The following CELF2 variants were observed in gnomAD, a reference collection of about 807,000 sequenced individuals.
CELF2 encodes the protein CUGBP Elav-like family member 2, also known as CUG triplet repeat RNA-binding protein 2.
A neutral mutation model predicts 62.6 loss-of-function variants in CELF2; 8 were observed. That is an observed-to-expected ratio of 0.13 (90% CI 0.07 to 0.23). The LOEUF (loss-of-function observed/expected upper bound fraction) is 0.23, where lower values mean the gene tolerates loss of function less well. Among genes scored for constraint, CELF2 ranks in the 10% least tolerant of loss-of-function variants. The pLI, the probability that CELF2 is intolerant of heterozygous loss-of-function variation, is 1.00. For missense variants in CELF2, 333 were observed against 671.0 expected (o/e 0.50, Z 5.56); for synonymous variants, 258 against 250.0 (o/e 1.03, Z -0.30).
chr10:10,863,225 T>C (rs998142549), intron 1 of CELF2, among the ~76,000 whole-genome samples: 2 of 152,180 alleles, frequency 1.3e-5, no homozygotes, highest in Non-Finnish European at 1.5e-5. Flanking sequence ...TTAGAGTCCC[T>C]AGGAGTATTA....
At chr10:11,087,542 G>A (rs2047154428) in intron 1 of CELF2, among the ~76,000 whole-genome samples, 1 of 152,240 alleles carries the variant, frequency 6.6e-6, no homozygotes, top group South Asian at 2.1e-4. Flanking sequence ...TTATCGCACA[G>A]CAGCGAGCTG....
chr10:10,859,478 T>C (rs1486672889), intron 1 of CELF2, among the ~76,000 whole-genome samples: 1 of 152,170 alleles, frequency 6.6e-6, no homozygotes, highest in Non-Finnish European at 1.5e-5. Flanking sequence ...CACCACAGTA[T>C]GACCCTGTTA....
At chr10:10,741,526 C>T in the CELF2 span, among the ~76,000 whole-genome samples, 105 of 141,150 alleles carry the variant, frequency 7.4e-4, no homozygotes, top group Middle Eastern at 3.8e-3. Context: ...AAGAACTTGA[C>T]ATTTTTGGAG....
chr10:10,476,569 A>C, the CELF2 span, among the ~76,000 whole-genome samples: 1 of 152,028 alleles, frequency 6.6e-6, no homozygotes, highest in Non-Finnish European at 1.5e-5. Flanking sequence ...CTTTAACCCA[A>C]AGATTTTTAT....
intron 2 of CELF2, among the ~76,000 whole-genome samples, chr10:11,184,103 T>C (rs1403052335): frequency 6.6e-6 from 1 of 152,256 alleles, no homozygotes; most frequent in South Asian, 2.1e-4. Context: ...ATGAATTATT[T>C]ATTGAAGTTC....
intron 1 of CELF2, among the ~76,000 whole-genome samples, chr10:10,835,673 A>G (rs1406104532): frequency 6.6e-6 from 1 of 152,120 alleles, no homozygotes; most frequent in East Asian, 1.9e-4. Flanking sequence ...GTGAGCCACC[A>G]CGCCCAGCCC....
chr10:11,275,779 G>A (rs1191223754), intron 8 of CELF2, among the ~76,000 whole-genome samples: 1 of 152,232 alleles, frequency 6.6e-6, no homozygotes, highest in Non-Finnish European at 1.5e-5. Context: ...TAACTGAGGT[G>A]TGGTGATTAG....
chr10:10,742,211 T>A, the CELF2 span, among the ~76,000 whole-genome samples: 146 of 145,188 alleles, frequency 1.0e-3, 4 homozygotes, highest in South Asian at 0.036. Context: ...GAGAAAAAAA[T>A]TTTGGTTTTG....
At chr10:10,714,141 A>C in the CELF2 span, among the ~76,000 whole-genome samples, 2 of 152,236 alleles carry the variant, frequency 1.3e-5, no homozygotes, top group Non-Finnish European at 2.9e-5. Flanking sequence ...GATTAAAGAC[A>C]TCGCTCCCCC....
the CELF2 span, among the ~76,000 whole-genome samples, chr10:10,537,927 G>A: frequency 2.6e-5 from 4 of 152,124 alleles, no homozygotes; most frequent in Admixed American, 6.5e-5. Flanking sequence ...CCGTGGCCGC[G>A]GGAGCCTGAT....
chr10:11,085,449 A>G (rs1019286047), intron 1 of CELF2, among the ~76,000 whole-genome samples: 1 of 152,242 alleles, frequency 6.6e-6, no homozygotes, highest in African/African-American at 2.4e-5. Context: ...AGATTGTCAA[A>G]TACATTTTGA....
At chr10:10,692,044 T>G in the CELF2 span, among the ~76,000 whole-genome samples, 2 of 150,258 alleles carry the variant, frequency 1.3e-5, no homozygotes, top group African/African-American at 4.9e-5. Flanking sequence ...TGTCTTTTGT[T>G]GCCATTGCTT....
At chr10:10,516,154 AGT>A in the CELF2 span, among the ~76,000 whole-genome samples, 15 of 152,196 alleles carry the variant, frequency 9.9e-5, no homozygotes, top group Non-Finnish European at 2.2e-4. Context: ...AAAAAACCCT[AGT>A]CCTAACTTTT....
chr10:10,674,626 G>T, the CELF2 span, among the ~76,000 whole-genome samples: 4 of 152,074 alleles, frequency 2.6e-5, no homozygotes, highest in African/African-American at 9.7e-5. Flanking sequence ...TCTGCATTTT[G>T]TGGGTTTAAT....
chr10:11,270,796 TG>T lies in CELF2; in HGVS notation c.752del (p.Gly251AlafsTer3). The part of the protein sequence containing the change: ...NTATWGNLTG[L>X]GGLTPQYLAL... Reference sequence around the variant, plus strand: ...GCCACCTGGGGGAACCTGACAGGGCTGGGCGGACTGACCCCACAGTATCTGG... The same window carrying T: ...GCCACCTGGGGGAACCTGACAGGGCTGGCGGACTGACCCCACAGTATCTGG... On this transcript the variant is annotated frameshift_variant, in exon 7 of 13. Coordinates refer to ENST00000633077, the MANE Select transcript of CELF2 (RefSeq NM_001326342.2). LOFTEE classifies it high-confidence loss of function. The surrounding 1 kb of genome is among the most constrained non-coding windows in gnomAD (Gnocchi z 5.8). The T allele has an allele frequency of 6.7e-7, 1 of 1,501,974 alleles. No individual in the cohort carries two copies. 93.0% of individuals were successfully genotyped at this position (1,501,974 alleles called of 1,614,324 possible).
intron 1 of CELF2, among the ~76,000 whole-genome samples, chr10:10,895,495 C>A (rs966202607): frequency 6.6e-6 from 1 of 151,962 alleles, no homozygotes; most frequent in Non-Finnish European, 1.5e-5. Flanking sequence ...AACTATGAAA[C>A]AAAGAAGGAC....
At chr10:10,683,434 T>C in the CELF2 span, among the ~76,000 whole-genome samples, 4 of 152,310 alleles carry the variant, frequency 2.6e-5, no homozygotes, top group Middle Eastern at 3.4e-3. Flanking sequence ...ATACGGTCCA[T>C]CTTTCTGTTT....
rs1308429252 is a variant in CELF2 at position 10,936,338 on chromosome 10, T to C, written c.89+16339T>C. 2.6e-5 allele frequency among the ~76,000 whole-genome samples: 4 copies of C among 152,232 alleles called. No homozygotes were observed. Among genetic ancestry groups the C allele is most frequent in the Non-Finnish European group, 4.4e-5 (3 of 68,032 alleles). ...CATAATTGTGCAAAAATTCTCATGTTACATGACTGTTCTCCCTGCAGTATA... is the reference window on the plus strand; with the variant it reads ...CATAATTGTGCAAAAATTCTCATGTCACATGACTGTTCTCCCTGCAGTATA... On this transcript the variant is annotated intron_variant, in intron 2 of 13. Coordinates refer to the CELF2 transcript ENST00000636488. The surrounding 1 kb of genome is among the most constrained non-coding windows in gnomAD (Gnocchi z 4.0).
At chr10:10,913,931 GGGAA>G (rs1466364812) in intron 1 of CELF2, among the ~76,000 whole-genome samples, 1 of 145,168 alleles carries the variant, frequency 6.9e-6, no homozygotes, top group African/African-American at 2.6e-5. Context: ...GGGAAGGAAA[GGGAA>G]GGAAGAGAGG....
Sources: gnomAD v4.1 joint callset for allele counts (sites outside exome capture counted in the v4.1 genomes callset) on GRCh38, gnomAD v4.1.1 for gene constraint, Gnocchi (gnomAD v3.1) non-coding constraint, MANE v1.5 for transcripts, NCBI Gene and HGNC (gene_info 2026-07-23, HGNC 2026-07-21) for gene names.